ARMH4: variants seen among roughly 807,000 people sequenced by gnomAD.
ARMH4 encodes the protein armadillo like helical domain containing 4.
Under a neutral mutation model 61.9 loss-of-function variants are expected in ARMH4, and 49 were observed. The ratio of observed to expected loss-of-function variants is 0.79; its 90% CI spans 0.63 to 1.00. The LOEUF (loss-of-function observed/expected upper bound fraction) is 1.00. Among genes scored for constraint, ARMH4 ranks in the 50% least tolerant of loss-of-function variants. ARMH4 has a pLI of 0.00. For synonymous variants in ARMH4, 368 were observed against 341.5 expected (o/e 1.08, Z -0.85); for missense variants, 934 against 930.0 (o/e 1.00, Z -0.06).
intron 2 of ARMH4, 35 bp from the exon 3 acceptor site, chr14:58,133,376 A>T: frequency 6.7e-7 from 1 of 1,495,806 alleles, no homozygotes; most frequent in Non-Finnish European, 8.9e-7. Context: ...AATAGACCAA[A>T]TCCCTATTTT....
intron 4 of ARMH4, among the ~76,000 whole-genome samples, chr14:58,110,603 T>A (rs10136441): frequency 0.25 from 38,012 of 152,092 alleles, 5,080 homozygotes; most frequent in Non-Finnish European, 0.3. Context: ...TTAGAAGTAG[T>A]TTTTTTCATT....
chr14:58,004,617 C>T lies in ARMH4; in HGVS notation c.*119G>A. ...AATCTACTACCCAGCACCCAGCAGA[C>T]ACTAGGACTAACGGCCTGATAGCAG... On this transcript the variant is annotated 3_prime_UTR_variant, in exon 8 of 8. Coordinates refer to ENST00000267485, the MANE Select transcript of ARMH4 (RefSeq NM_001001872.4). The T allele has an allele frequency of 1.2e-6, 1 of 816,042 alleles. No individual in the cohort carries two copies. The highest frequency in any genetic ancestry group is 2.0e-6 in the Non-Finnish European group (1 of 490,968). 50.6% of individuals were successfully genotyped at this position (816,042 alleles called of 1,614,324 possible). A position where few individuals can be genotyped will look rare whatever the true frequency, so the allele number is the denominator to read the frequency against.
Position 58,096,787 on chromosome 14 carries a change from A to G in ARMH4, c.2026T>C (p.Leu676=). 2 of 1,614,124 alleles carry G rather than the reference A, an allele frequency of 1.2e-6. No individual in the cohort carries two copies. Among genetic ancestry groups the G allele is most frequent in the East Asian group, 2.2e-5 (1 of 44,874 alleles). ...PGLEEGNMDL[L]EGATYQVPDA... ...GGCACCTGGTAGGTAGCTCCCTCCA[A>G]CAGGTCCATGTTTCCCTCCTCTAAG... Residue 676 remains leucine (L), a synonymous_variant, in exon 5 of 8, where the codon TTG becomes CTG. Transcript: ENST00000267485.
chr14:58,078,703 G>A (rs1566570115), intron 5 of ARMH4, among the ~76,000 whole-genome samples: 1 of 152,226 alleles, frequency 6.6e-6, no homozygotes, highest in Non-Finnish European at 1.5e-5. Context: ...CAATTCCAAT[G>A]TTGTGAGGTG....
intron 6 of ARMH4, among the ~76,000 whole-genome samples, chr14:58,007,809 A>C (rs995770987): frequency 1.3e-5 from 2 of 152,214 alleles, no homozygotes; most frequent in African/African-American, 4.8e-5. Context: ...ACACAATTGC[A>C]CCAATGTATT....
At chr14:58,099,472 G>A (rs2141268259) in intron 4 of ARMH4, among the ~76,000 whole-genome samples, 1 of 152,306 alleles carries the variant, frequency 6.6e-6, no homozygotes, top group African/African-American at 2.4e-5. Context: ...GTGTCCCTCT[G>A]GCTTGGACAT....
chr14:58,099,239 C>G (rs1885868823), intron 4 of ARMH4, among the ~76,000 whole-genome samples: 1 of 152,140 alleles, frequency 6.6e-6, no homozygotes, highest in South Asian at 2.1e-4. Context: ...TATTCAAAGC[C>G]TTGAGACTGG....
intron 4 of ARMH4, among the ~76,000 whole-genome samples, chr14:58,117,773 T>A (rs1886579524): frequency 6.6e-6 from 1 of 151,948 alleles, no homozygotes; most frequent in Non-Finnish European, 1.5e-5. Context: ...CTTTTTTTTT[T>A]AAAGAGACTA....
intron 5 of ARMH4, 88 bp from the exon 6 acceptor site, chr14:58,012,238 T>G (rs1882437152): frequency 2.6e-6 from 2 of 760,690 alleles, no homozygotes; most frequent in East Asian, 3.0e-5. Context: ...TTAAAGAGTT[T>G]TTTGTATTAA....
At chr14:58,097,070 A>C in intron 4 of ARMH4, 89 bp from the exon 5 acceptor site, 1 of 1,375,486 alleles carries the variant, frequency 7.3e-7, no homozygotes, top group Non-Finnish European at 1.0e-6. Context: ...CAAACACTAC[A>C]AAATAATTGT....
intron 5 of ARMH4, among the ~76,000 whole-genome samples, chr14:58,042,296 C>A (rs1174125936): frequency 6.6e-6 from 1 of 152,216 alleles, no homozygotes; most frequent in Non-Finnish European, 1.5e-5. Flanking sequence ...TTAAGAAACT[C>A]ACTCAAAACT....
At chr14:58,009,290 G>A (rs1247473757) in intron 6 of ARMH4, among the ~76,000 whole-genome samples, 1 of 152,088 alleles carries the variant, frequency 6.6e-6, no homozygotes, top group Admixed American at 6.6e-5. Context: ...GAATGACAGT[G>A]CTTTTATCCT....
At chr14:58,074,726 A>G (rs1025858053) in intron 5 of ARMH4, among the ~76,000 whole-genome samples, 1 of 152,172 alleles carries the variant, frequency 6.6e-6, no homozygotes, top group African/African-American at 2.4e-5. Flanking sequence ...CAGAAGTAAC[A>G]TGTAGTAAAA....
chr14:58,147,330 T>C (rs1887768158), intron 1 of ARMH4, among the ~76,000 whole-genome samples: 1 of 151,864 alleles, frequency 6.6e-6, no homozygotes, highest in Non-Finnish European at 1.5e-5. Flanking sequence ...TTTTTTTTTT[T>C]TTTGATAGGA....
intron 5 of ARMH4, among the ~76,000 whole-genome samples, chr14:58,042,677 T>C (rs907609440): frequency 2.0e-5 from 3 of 151,988 alleles, no homozygotes; most frequent in African/African-American, 7.2e-5. Context: ...TTTTTGAACA[T>C]ATCAACAAAA....
intron 4 of ARMH4, among the ~76,000 whole-genome samples, chr14:58,109,011 T>C (rs1886259517): frequency 6.6e-6 from 1 of 152,208 alleles, no homozygotes; most frequent in Non-Finnish European, 1.5e-5. Flanking sequence ...GGGCTGTCTG[T>C]CATTTTTCCG....
intron 5 of ARMH4, among the ~76,000 whole-genome samples, chr14:58,075,062 G>T (rs1439519600): frequency 6.6e-6 from 1 of 152,168 alleles, no homozygotes; most frequent in African/African-American, 2.4e-5. Context: ...ACCATCTCAT[G>T]CCAGTTAGAA....
chr14:58,019,308 G>C (rs1375295226), intron 5 of ARMH4, among the ~76,000 whole-genome samples: 1 of 152,110 alleles, frequency 6.6e-6, no homozygotes, highest in Non-Finnish European at 1.5e-5. Flanking sequence ...TTATTAGCTT[G>C]ATTTAGCCTT....
rs1432799598 is a variant in ARMH4 at position 58,096,745 on chromosome 14, C to T, written c.2068G>A (p.Glu690Lys). The T allele has an allele frequency of 1.2e-6, 2 of 1,613,990 alleles. No individual in the cohort carries two copies. Among genetic ancestry groups the T allele is most frequent in the South Asian group, 1.1e-5 (1 of 91,060 alleles). ...TTACCCAGGCCTTGATTCTGCTGTT[C>T]CCACTCGAGGGCATCTGGCACCTGG... is the stretch of plus-strand genomic sequence containing the variant. Reference protein sequence around the residue: ...TYQVPDALEWEQQNQGLVRSW... With the variant: ...TYQVPDALEWKQQNQGLVRSW... The change falls in exon 5 of 8, where the codon GAA becomes AAA. Residue 690 changes from glutamate to lysine, a missense_variant. Glu to Lys is a moderately conservative substitution (Grantham distance 56). Coordinates refer to ENST00000267485, the MANE Select transcript of ARMH4 (RefSeq NM_001001872.4).
Sources: allele counts gnomAD v4.1 joint callset (sites outside exome capture counted in the v4.1 genomes callset), GRCh38; gene constraint gnomAD v4.1.1; transcripts MANE v1.5; gene names NCBI Gene and HGNC (gene_info 2026-07-23, HGNC 2026-07-21).